KCNH5: variants seen among roughly 807,000 people sequenced by gnomAD.
KCNH5 encodes the protein voltage-gated delayed rectifier potassium channel KCNH5.
Under a neutral mutation model 96.1 loss-of-function variants are expected in KCNH5, and 46 were observed. That is an observed-to-expected ratio of 0.48 (90% CI 0.38 to 0.61). The LOEUF is 0.61. Ranked by LOEUF, KCNH5 falls within the 20% of genes least tolerant of loss-of-function variation. KCNH5 has a pLI of 0.00. For synonymous variants in KCNH5, 439 were observed against 449.8 expected (o/e 0.98, Z 0.30); for missense variants, 907 against 1,225.8 (o/e 0.74, Z 3.88).
At chr14:63,039,282 TG>T (rs1029403724) in intron 1 of KCNH5, among the ~76,000 whole-genome samples, 7 of 152,122 alleles carry the variant, frequency 4.6e-5, no homozygotes, top group African/African-American at 1.7e-4. Context: ...TCCTGTCTTT[TG>T]GAGTTTAATA....
intron 10 of KCNH5, among the ~76,000 whole-genome samples, chr14:62,711,940 T>C (rs1302349024): frequency 2.6e-5 from 4 of 152,124 alleles, no homozygotes; most frequent in Non-Finnish European, 5.9e-5. Flanking sequence ...AAGCCAACAC[T>C]CTGAGGAGTG....
chr14:62,721,466 T>C (rs1177004941), intron 10 of KCNH5, among the ~76,000 whole-genome samples: 1 of 147,730 alleles, frequency 6.8e-6, no homozygotes, highest in Admixed American at 7.0e-5. Context: ...TTTCTTGACA[T>C]CATGTTTCTT....
intron 10 of KCNH5, among the ~76,000 whole-genome samples, chr14:62,748,035 T>A: frequency 6.6e-6 from 1 of 152,218 alleles, no homozygotes; most frequent in East Asian, 1.9e-4. Flanking sequence ...AGGGTGATTC[T>A]GGTTACAGGA....
intron 6 of KCNH5, among the ~76,000 whole-genome samples, chr14:62,955,240 A>T (rs1278455472): frequency 6.6e-6 from 1 of 152,152 alleles, no homozygotes; most frequent in African/African-American, 2.4e-5. Flanking sequence ...GGTAACCTGG[A>T]AAAAGGCTGG....
intron 8 of KCNH5, among the ~76,000 whole-genome samples, chr14:62,811,113 C>G (rs1204657841): frequency 1.3e-5 from 2 of 152,032 alleles, no homozygotes; most frequent in African/African-American, 4.8e-5. Context: ...AAAAAGAAAA[C>G]CTTTTTCAAA....
At chr14:62,883,521 T>G (rs1295987326) in intron 7 of KCNH5, among the ~76,000 whole-genome samples, 1 of 152,124 alleles carries the variant, frequency 6.6e-6, no homozygotes, top group Non-Finnish European at 1.5e-5. Context: ...GGCAATCTAG[T>G]GTTCATTAAT....
rs183088583 is a variant in KCNH5 at position 63,014,000 on chromosome 14, G to T, written c.197+2831C>A. Among the ~76,000 whole-genome samples the T allele has an allele frequency of 3.1e-3, 478 of 152,168 alleles. 2 individuals carry two copies. The highest frequency in any genetic ancestry group is 7.0e-3 in the Admixed American group (107 of 15,256). On this transcript the variant is annotated intron_variant, in intron 2 of 10. Coordinates refer to ENST00000322893, the MANE Select transcript of KCNH5 (RefSeq NM_139318.5). ...AAAAACTGATAAAGGTCAGATATTT[G>T]TTCATATATCAGATGCTAGTCTTCA...
At chr14:62,833,704 G>A (rs569335199) in intron 8 of KCNH5, among the ~76,000 whole-genome samples, 1 of 151,854 alleles carries the variant, frequency 6.6e-6, no homozygotes, top group East Asian at 1.9e-4. Context: ...TGATTGATGT[G>A]GTGTAAAGGA....
At position 62,729,843 on chromosome 14, in the gene KCNH5, G is replaced by T. The variant is rs550566659; in HGVS notation, c.2020-21388C>A. On this transcript the variant is annotated intron_variant, in intron 10 of 10. Transcript: ENST00000322893. ...AAACCCACTCTTTTGCTGTCAGCTA[G>T]AAGTGAAGCACCAGTACATCTAGGG... Among the ~76,000 whole-genome samples, 258 of 152,312 alleles carry T rather than the reference G, an allele frequency of 1.7e-3. 2 individuals carry two copies. Among genetic ancestry groups the T allele is most frequent in the African/African-American group, 6.1e-3 (253 of 41,574 alleles).
At chr14:62,809,067 C>T (rs1886824081) in intron 8 of KCNH5, among the ~76,000 whole-genome samples, 1 of 152,102 alleles carries the variant, frequency 6.6e-6, no homozygotes, top group Non-Finnish European at 1.5e-5. Flanking sequence ...TTTAACTTTG[C>T]TTAAAACGTT....
Position 62,994,706 on chromosome 14 carries a change from TAA to T in KCNH5, c.433+6623_433+6624del, listed in dbSNP as rs561059568. 1.2e-4 allele frequency among the ~76,000 whole-genome samples: 19 copies of T among 152,118 alleles called. No homozygotes were observed. In the South Asian group the frequency reaches 3.3e-3, roughly 27 times the overall value. ...GATTGAGGTAGTTAAACCTCAACAATAAGTCTCCACTGAGAAGGACGGGGCAG... is the reference window on the plus strand; with the variant it reads ...GATTGAGGTAGTTAAACCTCAACAATGTCTCCACTGAGAAGGACGGGGCAG... On this transcript the variant is annotated intron_variant, in intron 4 of 10. Transcript: ENST00000322893.
intron 2 of KCNH5, among the ~76,000 whole-genome samples, chr14:63,009,114 G>A (rs1229813062): frequency 4.0e-5 from 6 of 151,884 alleles, no homozygotes; most frequent in Admixed American, 2.6e-4. Flanking sequence ...CATAATATTC[G>A]CAATTGGTCA....
chr14:62,763,904 C>A (rs1406854966), intron 10 of KCNH5, among the ~76,000 whole-genome samples: 7 of 152,138 alleles, frequency 4.6e-5, no homozygotes, highest in Admixed American at 4.6e-4. Context: ...AGCCCACCAA[C>A]CAGAACCAGC....
At chr14:62,758,107 T>G (rs1417416400) in intron 10 of KCNH5, among the ~76,000 whole-genome samples, 1 of 148,306 alleles carries the variant, frequency 6.7e-6, no homozygotes, top group Non-Finnish European at 1.5e-5. Context: ...ATTGGGCCAC[T>G]GCACTCCAGC....
intron 1 of KCNH5, among the ~76,000 whole-genome samples, chr14:63,025,788 C>T (rs1891513356): frequency 6.6e-6 from 1 of 151,824 alleles, no homozygotes; most frequent in African/African-American, 2.4e-5. Flanking sequence ...GTCCATACTA[C>T]CCAAAGCAAT....
intron 7 of KCNH5, among the ~76,000 whole-genome samples, chr14:62,917,573 T>G (rs1204053705): frequency 6.6e-6 from 1 of 152,146 alleles, no homozygotes; most frequent in Non-Finnish European, 1.5e-5. Context: ...CCTTTCTAAT[T>G]GTACATGTAA....
chr14:62,934,636 G>A (rs1889643794), intron 7 of KCNH5, among the ~76,000 whole-genome samples: 1 of 152,100 alleles, frequency 6.6e-6, no homozygotes, highest in Non-Finnish European at 1.5e-5. Flanking sequence ...CTGAAACAGT[G>A]GCAGTCACTT....
intron 9 of KCNH5, among the ~76,000 whole-genome samples, chr14:62,800,753 A>G (rs1359040776): frequency 6.6e-6 from 1 of 152,126 alleles, no homozygotes; most frequent in African/African-American, 2.4e-5. Flanking sequence ...AGCAAACAAG[A>G]ATGGTTTACA....
intron 7 of KCNH5, among the ~76,000 whole-genome samples, chr14:62,898,720 A>C (rs776483718): frequency 6.6e-6 from 1 of 152,208 alleles, no homozygotes; most frequent in Non-Finnish European, 1.5e-5. Context: ...ATGTTCCTTA[A>C]TCTACAAGTC....
Sources: allele counts gnomAD v4.1 joint callset (sites outside exome capture counted in the v4.1 genomes callset), GRCh38; gene constraint gnomAD v4.1.1; transcripts MANE v1.5; gene names NCBI Gene and HGNC (gene_info 2026-07-23, HGNC 2026-07-21).